Variants in SNTG1 observed in about 807,000 individuals in gnomAD.
The protein encoded by SNTG1 is syntrophin gamma 1, also known as gamma-1-syntrophin.
A neutral mutation model predicts 74.7 loss-of-function variants in SNTG1; 39 were observed. The ratio of observed to expected loss-of-function variants is 0.52; its 90% confidence interval spans 0.40 to 0.68. SNTG1 has a LOEUF of 0.68. Among genes scored for constraint, SNTG1 ranks in the 30% least tolerant of loss-of-function variants. The pLI, the probability that SNTG1 is intolerant of heterozygous loss-of-function variation, is 0.00. For synonymous variants in SNTG1, 254 were observed against 217.1 expected, an observed-to-expected ratio of 1.17 and a Z score of -1.49; for missense variants, 685 against 609.5, an observed-to-expected ratio of 1.12 and a Z score of -1.30.
At chr8:50,709,268 T>C (rs1384370125) in intron 17 of SNTG1, 5 of 383,928 alleles carry the variant, frequency 1.3e-5, no homozygotes, top group African/African-American at 8.3e-5. Flanking sequence ...AAGATATGAC[T>C]TTATAATTGA....
At chr8:50,780,818 C>CCTG (rs1481900433) in intron 18 of SNTG1, among the ~76,000 whole-genome samples, 1 of 152,146 alleles carries the variant, frequency 6.6e-6, no homozygotes, top group Non-Finnish European at 1.5e-5. Context: ...TTGGATCTTT[C>CCTG]CTGCTTTCTC....
intron 2 of SNTG1, among the ~76,000 whole-genome samples, chr8:50,181,850 G>GA (rs1252863510): frequency 1.3e-5 from 2 of 151,856 alleles, no homozygotes; most frequent in African/African-American, 4.8e-5. Context: ...TTAATATGTA[G>GA]AAAAAATAAG....
rs146596619 is a variant in SNTG1 at position 50,571,153 on chromosome 8, G to A, written c.810+17974G>A. ...TTTGCTTGTCTTTCTGGCCAGGGCA[G>A]CTCCAGCTATTAGCGTTTCAGCAGC... On this transcript the variant is annotated intron_variant, in intron 12 of 18. Coordinates refer to ENST00000642720, the MANE Select transcript of SNTG1 (RefSeq NM_018967.5). Among the ~76,000 whole-genome samples, 617 of 152,264 alleles carry A rather than the reference G, an allele frequency of 4.1e-3. 4 individuals carry two copies. Among genetic ancestry groups the A allele is most frequent in the African/African-American group, 0.014 (574 of 41,562 alleles).
At chr8:50,067,921 T>C (rs1303517156) in intron 1 of SNTG1, among the ~76,000 whole-genome samples, 1 of 152,178 alleles carries the variant, frequency 6.6e-6, no homozygotes, top group Non-Finnish European at 1.5e-5. Context: ...ATATCTTTCA[T>C]GCAAATTCAG....
chr8:50,653,198 C>T (rs1249548209), intron 13 of SNTG1, among the ~76,000 whole-genome samples: 1 of 152,010 alleles, frequency 6.6e-6, no homozygotes, highest in African/African-American at 2.4e-5. Context: ...AATCCCAGCA[C>T]TTTAAAAGTC....
intron 2 of SNTG1, among the ~76,000 whole-genome samples, chr8:50,362,512 T>G (rs747035588): frequency 1.1e-4 from 16 of 151,546 alleles, no homozygotes; most frequent in Non-Finnish European, 2.1e-4. Flanking sequence ...ATTATAAAGA[T>G]AGTCTTTTTT....
chr8:50,221,524 C>T (rs190787658), intron 2 of SNTG1, among the ~76,000 whole-genome samples: 1 of 150,458 alleles, frequency 6.6e-6, no homozygotes, highest in African/African-American at 2.5e-5. Flanking sequence ...CACACACACA[C>T]ACACACACAC....
intron 2 of SNTG1, among the ~76,000 whole-genome samples, chr8:50,283,786 G>T (rs1039381645): frequency 5.9e-5 from 9 of 152,064 alleles, no homozygotes; most frequent in African/African-American, 2.2e-4. Context: ...GGCATAATAT[G>T]ATACTCTGGG....
At chr8:50,400,907 C>T (rs1465502933) in intron 3 of SNTG1, among the ~76,000 whole-genome samples, 1 of 152,038 alleles carries the variant, frequency 6.6e-6, no homozygotes, top group Non-Finnish European at 1.5e-5. Context: ...TCACAGCTAA[C>T]AGTAATGCAT....
chr8:50,528,321 A>G (rs1423168099), intron 9 of SNTG1, among the ~76,000 whole-genome samples: 2 of 151,982 alleles, frequency 1.3e-5, no homozygotes, highest in African/African-American at 4.8e-5. Context: ...CTATTCCTAG[A>G]ACGCTAAAGT....
In SNTG1 at chr8:50,769,453, T is replaced by C. The variant is rs1383201934; in HGVS notation, c.1395+17342T>C. 4.0e-5 allele frequency among the ~76,000 whole-genome samples: 6 copies of C among 151,818 alleles called. No homozygotes were observed. The South Asian group carries it at 1.2e-3, about 31-fold the overall frequency. On this transcript the variant is annotated intron_variant, in intron 18 of 18. Transcript: ENST00000642720. Reference sequence around the variant, plus strand: ...GGAAGTAAAGTAACAAAACACAGAGTGTAGTAACCAAGTACTGTATTATGT... The same window carrying C: ...GGAAGTAAAGTAACAAAACACAGAGCGTAGTAACCAAGTACTGTATTATGT...
chr8:50,002,663 C>T (rs1267620300), intron 1 of SNTG1, among the ~76,000 whole-genome samples: 1 of 152,028 alleles, frequency 6.6e-6, no homozygotes, highest in African/African-American at 2.4e-5. Context: ...CATAACACCT[C>T]CTCCAAATCA....
chr8:49,919,687 T>G (rs970784567), intron 1 of SNTG1, among the ~76,000 whole-genome samples: 2 of 152,118 alleles, frequency 1.3e-5, no homozygotes, highest in Admixed American at 1.3e-4. Flanking sequence ...ACAAGTGGAT[T>G]AAAAAATCAT....
At chr8:50,311,219 C>T (rs1207499167) in intron 2 of SNTG1, among the ~76,000 whole-genome samples, 3 of 152,176 alleles carry the variant, frequency 2.0e-5, no homozygotes, top group Non-Finnish European at 4.4e-5. Context: ...ATTCATCTCA[C>T]ATAGTTAAGG....
chr8:50,772,036 C>T lies in SNTG1; in HGVS notation c.1395+19925C>T, dbSNP rs115443830. Among the ~76,000 whole-genome samples the T allele has an allele frequency of 8.7e-3, 1,329 of 152,224 alleles. 26 individuals are homozygous for T. The highest frequency in any genetic ancestry group is 0.03 in the African/African-American group (1,228 of 41,544). Reference sequence around the variant, plus strand: ...CACAGGACAAAGCCACCACAGAGAACCTCTCATAGGGCAATGCTGAGTGGA... The same window carrying T: ...CACAGGACAAAGCCACCACAGAGAATCTCTCATAGGGCAATGCTGAGTGGA... On this transcript the variant is annotated intron_variant, in intron 18 of 18. Coordinates refer to ENST00000642720, the MANE Select transcript of SNTG1 (RefSeq NM_018967.5).
intron 1 of SNTG1, among the ~76,000 whole-genome samples, chr8:49,924,979 C>T (rs948234033): frequency 6.6e-6 from 1 of 151,742 alleles, no homozygotes. Context: ...GTGAGACCCC[C>T]CCATCACTAC....
intron 1 of SNTG1, among the ~76,000 whole-genome samples, chr8:49,934,619 C>T (rs1159564677): frequency 6.6e-6 from 1 of 152,042 alleles, no homozygotes; most frequent in Non-Finnish European, 1.5e-5. Flanking sequence ...AGAGTTTGCT[C>T]TGGAATGTGA....
intron 2 of SNTG1, among the ~76,000 whole-genome samples, chr8:50,348,197 G>A (rs1482643412): frequency 6.6e-6 from 1 of 152,208 alleles, no homozygotes; most frequent in East Asian, 1.9e-4. Context: ...AAAAGAAATA[G>A]CAACTCAGAG....
chr8:50,369,688 G>A (rs2092220756), intron 2 of SNTG1, among the ~76,000 whole-genome samples: 1 of 151,614 alleles, frequency 6.6e-6, no homozygotes, highest in Admixed American at 6.6e-5. Context: ...CTGTCTGCAA[G>A]CCAGGAAGAG....
Sources: gnomAD v4.1 joint callset for allele counts (sites outside exome capture counted in the v4.1 genomes callset) on GRCh38, gnomAD v4.1.1 for gene constraint, MANE v1.5 for transcripts, NCBI Gene and HGNC (gene_info 2026-07-23, HGNC 2026-07-21) for gene names.